Variants in MTHFD2L observed in about 807,000 individuals in gnomAD.
The protein encoded by MTHFD2L is bifunctional methylenetetrahydrofolate dehydrogenase/cyclohydrolase 2, mitochondrial.
Under a neutral mutation model 34.9 loss-of-function variants are expected in MTHFD2L, and 29 were observed. The observed-to-expected ratio is 0.83, with a 90% CI of 0.62 to 1.13. The LOEUF (loss-of-function observed/expected upper bound fraction) is 1.13, where lower values mean the gene tolerates loss of function less well. Ranked by LOEUF, MTHFD2L falls within the 50% of genes most tolerant of loss-of-function variation. MTHFD2L has a pLI of 0.00. For missense variants in MTHFD2L, 481 were observed against 446.5 expected (o/e 1.08, Z -0.70); for synonymous variants, 167 against 155.7 (o/e 1.07, Z -0.54).
At chr4:74,142,461 CTGTAACCT>C in intron 1 of MTHFD2L, among the ~76,000 whole-genome samples, 1 of 152,274 alleles carries the variant, frequency 6.6e-6, no homozygotes, top group South Asian at 2.1e-4. Context: ...AGTCAGAAGT[CTGTAACCT>C]AGAAGAGGAC....
chr4:74,151,444 A>G (rs1723935402), intron 1 of MTHFD2L, among the ~76,000 whole-genome samples: 2 of 152,186 alleles, frequency 1.3e-5, no homozygotes, highest in African/African-American at 4.8e-5. Context: ...GGAGAACCTT[A>G]GATTTAGAAA....
intron 7 of MTHFD2L, among the ~76,000 whole-genome samples, chr4:74,283,856 A>G (rs1479687208): frequency 1.3e-5 from 2 of 152,118 alleles, no homozygotes; most frequent in Non-Finnish European, 2.9e-5. Flanking sequence ...ATAGGTTTTG[A>G]CATGTTGCTC....
intron 1 of MTHFD2L, among the ~76,000 whole-genome samples, chr4:74,146,065 A>G (rs1239689776): frequency 6.6e-6 from 1 of 152,236 alleles, no homozygotes; most frequent in Non-Finnish European, 1.5e-5. Context: ...ATTTCATAGA[A>G]CAAAAAACTA....
intron 2 of MTHFD2L, among the ~76,000 whole-genome samples, chr4:74,115,106 A>T (rs1329690177): frequency 6.6e-6 from 1 of 152,174 alleles, no homozygotes; most frequent in Non-Finnish European, 1.5e-5. Flanking sequence ...TATTAGGGGG[A>T]GGGCAAGGGA....
chr4:74,150,780 T>C (rs1296687202), intron 1 of MTHFD2L, among the ~76,000 whole-genome samples: 1 of 152,086 alleles, frequency 6.6e-6, no homozygotes, highest in Non-Finnish European at 1.5e-5. Flanking sequence ...CGTGTGTGTG[T>C]GTATATATAT....
intron 1 of MTHFD2L, among the ~76,000 whole-genome samples, chr4:74,166,811 T>G (rs1307319805): frequency 6.6e-6 from 1 of 152,180 alleles, no homozygotes; most frequent in Non-Finnish European, 1.5e-5. Context: ...CCTGCCCCAG[T>G]ACCAGGTCAG....
chr4:74,261,938 C>T (rs888242758), intron 6 of MTHFD2L, among the ~76,000 whole-genome samples: 4 of 151,952 alleles, frequency 2.6e-5, no homozygotes, highest in Admixed American at 6.6e-5. Flanking sequence ...GCACTTAGAA[C>T]GCTGACTGAC....
chr4:74,167,189 C>G (rs1726901565), intron 1 of MTHFD2L, among the ~76,000 whole-genome samples: 1 of 152,220 alleles, frequency 6.6e-6, no homozygotes, highest in Non-Finnish European at 1.5e-5. Context: ...ACCTGCTGAC[C>G]TAGGCATCAC....
intron 7 of MTHFD2L, among the ~76,000 whole-genome samples, chr4:74,296,554 G>T (rs1749659288): frequency 6.6e-6 from 1 of 152,090 alleles, no homozygotes; most frequent in Admixed American, 6.6e-5. Context: ...ATTGGGGTTT[G>T]CCTGGTACTT....
rs535455792 is a variant in MTHFD2L, at chr4:74,274,239, A to T, written c.806-7186A>T. On this transcript the variant is annotated intron_variant, in intron 6 of 7. Coordinates refer to ENST00000325278, the MANE Select transcript of MTHFD2L (RefSeq NM_001144978.3). ...GCTTTTATAGAGATACAAAAAAATG[A>T]TAGGGATAGAGATATATAGTGTAGT... Among the ~76,000 whole-genome samples, 4 of 152,300 alleles carry T rather than the reference A, an allele frequency of 2.6e-5. No individual in the cohort carries two copies. The South Asian group carries it at 8.3e-4, about 32-fold the overall frequency.
At chr4:74,159,930 T>C in intron 1 of MTHFD2L, 1 of 385,958 alleles carries the variant, frequency 2.6e-6, no homozygotes. Context: ...CTCTTTGTAC[T>C]GAATACCATC....
At chr4:74,158,015 AC>A (rs1188571333), upstream of MTHFD2L, 1 of 1,416,110 alleles carries the variant, frequency 7.1e-7, no homozygotes, top group East Asian at 2.5e-5. Flanking sequence ...GTCTGCCGGA[AC>A]CTGGCTGGGA....
upstream of MTHFD2L, among the ~76,000 whole-genome samples, chr4:74,153,996 T>C (rs1394555160): frequency 6.6e-6 from 1 of 152,212 alleles, no homozygotes; most frequent in African/African-American, 2.4e-5. Context: ...TCACATTATA[T>C]TTAGTTGTCA....
chr4:74,245,540 A>T (rs932392008), intron 6 of MTHFD2L, among the ~76,000 whole-genome samples: 95 of 152,042 alleles, frequency 6.2e-4, no homozygotes, highest in African/African-American at 2.1e-3. Flanking sequence ...GGTTAGTTAC[A>T]TATGTATACA....
Position 74,165,640 on chromosome 4 carries a change from G to A in MTHFD2L, c.143+7359G>A, listed in dbSNP as rs144978061. 6.6e-5 allele frequency among the ~76,000 whole-genome samples: 10 copies of A among 152,310 alleles called. No individual in the cohort carries two copies. The East Asian group carries it at 1.9e-3, about 29-fold the overall frequency. On this transcript the variant is annotated intron_variant, in intron 1 of 7. Transcript: ENST00000325278. ...CAAAGTGCTGGAATTACAGGCGTGA[G>A]CCACTAGGCCCGGCCCTTGTGCTTA...
chr4:74,275,122 A>G (rs1020752487), intron 6 of MTHFD2L, among the ~76,000 whole-genome samples: 12 of 151,850 alleles, frequency 7.9e-5, no homozygotes, highest in African/African-American at 2.7e-4. Flanking sequence ...ACAGGCCCCA[A>G]TGTCTGTTGT....
At chr4:74,261,063 T>C (rs1278403420) in intron 6 of MTHFD2L, among the ~76,000 whole-genome samples, 2 of 151,930 alleles carry the variant, frequency 1.3e-5, no homozygotes, top group African/African-American at 2.4e-5. Context: ...ATTATTCCCA[T>C]TTATATAAAG....
At chr4:74,275,672 GA>G (rs1746524546) in intron 6 of MTHFD2L, among the ~76,000 whole-genome samples, 1 of 150,746 alleles carries the variant, frequency 6.6e-6, no homozygotes, top group South Asian at 2.1e-4. Flanking sequence ...TTCTGCTTTT[GA>G]TTTGCGTTTC....
chr4:74,147,625 G>T (rs1397548433), intron 1 of MTHFD2L, among the ~76,000 whole-genome samples: 1 of 152,276 alleles, frequency 6.6e-6, no homozygotes, highest in African/African-American at 2.4e-5. Flanking sequence ...AGAAAAATCT[G>T]GTTGTCTACC....
Sources: gnomAD v4.1 joint callset for allele counts (sites outside exome capture counted in the v4.1 genomes callset) on GRCh38, gnomAD v4.1.1 for gene constraint, MANE v1.5 for transcripts, NCBI Gene and HGNC (gene_info 2026-07-23, HGNC 2026-07-21) for gene names.